The following SLC28A3 variants were observed in gnomAD, a reference collection of about 807,000 sequenced individuals.
SLC28A3 encodes concentrative Na(+)-nucleoside cotransporter 3.
In SLC28A3, 68 loss-of-function variants were observed where a neutral mutation model predicts 84.2. The ratio of observed to expected loss-of-function variants is 0.81; its 90% confidence interval spans 0.66 to 0.99. SLC28A3 has a LOEUF of 0.99. Among genes scored for constraint, SLC28A3 ranks in the 50% least tolerant of loss-of-function variants. SLC28A3 has a pLI of 0.00. For missense variants in SLC28A3, 712 were observed against 841.5 expected, an observed-to-expected ratio of 0.85 and a Z score of 1.90; for synonymous variants, 267 against 303.6, an observed-to-expected ratio of 0.88 and a Z score of 1.25.
At chr9:84,357,859 C>T in the SLC28A3 span, among the ~76,000 whole-genome samples, 15 of 152,114 alleles carry the variant, frequency 9.9e-5, no homozygotes, top group Non-Finnish European at 1.9e-4. Context: ...TTCCCACTGC[C>T]CTGTCTGCCT....
chr9:84,354,385 C>A, the SLC28A3 span, among the ~76,000 whole-genome samples: 4 of 152,198 alleles, frequency 2.6e-5, no homozygotes, highest in Non-Finnish European at 5.9e-5. Context: ...CTGAAAGGAA[C>A]CCCACAGGTT....
intron 5 of SLC28A3, among the ~76,000 whole-genome samples, chr9:84,301,547 T>C (rs1379790851): frequency 6.6e-6 from 1 of 151,850 alleles, no homozygotes; most frequent in Non-Finnish European, 1.5e-5. Flanking sequence ...TGAAAAAGAG[T>C]GCTCAGCCTC....
rs753889714 is a variant in SLC28A3 at position 84,301,369 on chromosome 9, A to AAAAAAAAAAG, written c.524+830_524+831insCTTTTTTTTT. Among the ~76,000 whole-genome samples the AAAAAAAAAAG allele has an allele frequency of 3.7e-3, 486 of 132,280 alleles. 13 individuals carry two copies. The highest frequency in any genetic ancestry group is 0.01 in the Admixed American group (119 of 11,762). 86.8% of individuals were successfully genotyped at this position (132,280 alleles called of 152,430 possible). On this transcript the variant is annotated intron_variant, in intron 5 of 17. Transcript: ENST00000376238. ...TGTCTCAAAAAAAAAAAAAAAAAAA[A>AAAAAAAAAAG]AAAAAGAAAAGGCTGTAAACATTGG...
chr9:84,309,752 G>A (rs1825928085), intron 2 of SLC28A3, 38 bp from the exon 3 acceptor site: 1 of 1,569,558 alleles, frequency 6.4e-7, no homozygotes, highest in Non-Finnish European at 8.8e-7. Flanking sequence ...GGAATAATGA[G>A]CATCCTGGGC....
chr9:84,302,978 G>T (rs1825682269), intron 4 of SLC28A3, among the ~76,000 whole-genome samples: 1 of 152,184 alleles, frequency 6.6e-6, no homozygotes, highest in Non-Finnish European at 1.5e-5. Flanking sequence ...AAGATGTTCT[G>T]CAGGTTAAAT....
chr9:84,305,486 T>C, intron 3 of SLC28A3, 141 bp from the exon 4 acceptor site: 2 of 711,068 alleles, frequency 2.8e-6, no homozygotes, highest in Non-Finnish European at 4.9e-6. Context: ...AAAATAGAAA[T>C]GGGAAACTCA....
chr9:84,281,899 G>A (rs1824765706), intron 14 of SLC28A3, among the ~76,000 whole-genome samples: 1 of 152,232 alleles, frequency 6.6e-6, no homozygotes, highest in African/African-American at 2.4e-5. Flanking sequence ...GCCGAGGCGG[G>A]TAGATCACTT....
the SLC28A3 span, among the ~76,000 whole-genome samples, chr9:84,368,678 C>T: frequency 2.0e-5 from 3 of 152,032 alleles, no homozygotes; most frequent in Non-Finnish European, 4.4e-5. Flanking sequence ...AGACAAAGTC[C>T]TCCCCACTCT....
chr9:84,360,926 A>AATG, the SLC28A3 span, among the ~76,000 whole-genome samples: 2 of 152,080 alleles, frequency 1.3e-5, no homozygotes, highest in African/African-American at 2.4e-5. Flanking sequence ...TAATAATAAT[A>AATG]ATAAACCAAC....
intron 1 of SLC28A3, among the ~76,000 whole-genome samples, chr9:84,325,538 T>C (rs1490997417): frequency 6.6e-6 from 1 of 152,262 alleles, no homozygotes; most frequent in Non-Finnish European, 1.5e-5. Flanking sequence ...TGGTTTGCCA[T>C]TGTTTAATTA....
At chr9:84,290,937 G>A (rs1479259316) in intron 10 of SLC28A3, among the ~76,000 whole-genome samples, 1 of 152,206 alleles carries the variant, frequency 6.6e-6, no homozygotes, top group East Asian at 1.9e-4. Context: ...CTGATGGGTG[G>A]AAAGGAAGAA....
intron 13 of SLC28A3, 81 bp downstream of exon 13, chr9:84,285,862 G>A: frequency 6.9e-7 from 1 of 1,451,276 alleles, no homozygotes; most frequent in South Asian, 1.4e-5. Context: ...AGGTTAGGGT[G>A]GGCTGTTTAC....
At chr9:84,306,604 T>C (rs149221992) in intron 3 of SLC28A3, among the ~76,000 whole-genome samples, 2 of 152,098 alleles carry the variant, frequency 1.3e-5, no homozygotes, top group African/African-American at 4.8e-5. Context: ...CCCAACCCAT[T>C]AACCTTAGTG....
chr9:84,310,428 A>G (rs2076429323), intron 2 of SLC28A3: 2 of 985,426 alleles, frequency 2.0e-6, no homozygotes, highest in Non-Finnish European at 2.4e-6. Flanking sequence ...CCAGTCTCCA[A>G]TAATGTCTCA....
At chr9:84,324,813 G>A (rs552185111) in intron 1 of SLC28A3, among the ~76,000 whole-genome samples, 1 of 152,268 alleles carries the variant, frequency 6.6e-6, no homozygotes, top group East Asian at 1.9e-4. Flanking sequence ...CAGGTCAGGA[G>A]AGTAAGGCAA....
rs376665152 is a variant in SLC28A3, at chr9:84,300,273, G to A, written c.525-548C>T. The stretch of plus-strand genomic sequence containing the variant: ...TTGGGCCCTTCACCTGTTCAAGGAT[G>A]CACAAAGGGGCCAGAGAGGAGATAG... On this transcript the variant is annotated intron_variant, in intron 5 of 17. Transcript: ENST00000376238. 1.8e-4 allele frequency among the ~76,000 whole-genome samples: 27 copies of A among 152,332 alleles called. No individual in the cohort carries two copies. The South Asian group carries it at 5.6e-3, about 32-fold the overall frequency.
At chr9:84,287,964 A>C in intron 12 of SLC28A3, 84 bp downstream of exon 12, 1 of 1,555,192 alleles carries the variant, frequency 6.4e-7, no homozygotes, top group Admixed American at 1.8e-5. Flanking sequence ...CTTTCCGGTT[A>C]TCAAATTTTT....
At position 84,286,077 on chromosome 9, in the gene SLC28A3, C is replaced by A. The variant is rs779317505; in HGVS notation, c.1315G>T (p.Gly439Ter). The stretch of plus-strand genomic sequence containing the variant: ...ACCAGGGAGATGGAGGAGGATGCTC[C>A]CTGTGTTGCAGCTTCTAGAAGATTC... ...SGNLLEAATQ[G>*]ASSSISLVAN... The change falls in exon 13 of 18, where the codon GGA (glycine) becomes TGA (stop). Residue 439 changes from glycine (G) to a stop codon, truncating the protein, a stop_gained. Transcript: ENST00000376238. LOFTEE classifies it high-confidence loss of function. 1 of 1,613,908 alleles carries A rather than the reference C, an allele frequency of 6.2e-7. No homozygotes were observed. The highest frequency in any genetic ancestry group is 1.3e-5 in the African/African-American group (1 of 74,996).
At chr9:84,305,496 AT>A in intron 3 of SLC28A3, 151 bp from the exon 4 acceptor site, 1 of 693,720 alleles carries the variant, frequency 1.4e-6, no homozygotes, top group Non-Finnish European at 2.5e-6. Context: ...TGGGAAACTC[AT>A]TTCATTTTAG....
Sources: gnomAD v4.1 joint callset for allele counts (sites outside exome capture counted in the v4.1 genomes callset) on GRCh38, gnomAD v4.1.1 for gene constraint, MANE v1.5 for transcripts, NCBI Gene and HGNC (gene_info 2026-07-23, HGNC 2026-07-21) for gene names.